HYDIN: variants seen among roughly 807,000 people sequenced by gnomAD.
The protein encoded by HYDIN is axonemal central pair apparatus protein HYDIN.
HYDIN carries 132 observed loss-of-function variants against 403.9 expected under a neutral mutation model. The observed-to-expected ratio is 0.33, with a 90% CI of 0.28 to 0.38. The LOEUF is 0.38. Ranked by LOEUF, HYDIN falls within the 10% of genes least tolerant of loss-of-function variation. The pLI is 1.00. For synonymous variants in HYDIN, 1,202 were observed against 1,891.7 expected, an observed-to-expected ratio of 0.64 and a Z score of 9.46; for missense variants, 2,827 against 5,009.5, an observed-to-expected ratio of 0.56 and a Z score of 13.15.
intron 7 of HYDIN, among the ~76,000 whole-genome samples, chr16:71,145,177 T>C (rs1597879594): frequency 6.6e-6 from 1 of 151,584 alleles, no homozygotes; most frequent in Middle Eastern, 3.4e-3. Context: ...TCTGCAATCT[T>C]CAGAATATGA....
rs374042573 is a variant in HYDIN, at chr16:71,206,654, C to A, written c.-23-19736G>T. ...TCAAGATTCAGGAGAATGTTGAAAC[C>A]CAATCCAAGGAAGCTAAGAATCATA... On this transcript the variant is annotated intron_variant, in intron 1 of 85. Transcript: ENST00000393567. Among the ~76,000 whole-genome samples the A allele has an allele frequency of 1.6e-4, 25 of 152,200 alleles. No individual in the cohort carries two copies. The South Asian group carries it at 4.2e-3, about 25-fold the overall frequency.
rs374165539 is a variant in HYDIN, at chr16:71,064,133, T to C, written c.2211+572A>G. On this transcript the variant is annotated intron_variant, in intron 16 of 85. Transcript: ENST00000393567. ...GTAAACTGCATCTCAGTAGTAACCT[T>C]CCATTACTCTAATCTGTACAGATTT... is the stretch of plus-strand genomic sequence containing the variant. 1.3e-3 allele frequency among the ~76,000 whole-genome samples: 170 copies of C among 132,790 alleles called. 1 individual carries two copies. The highest frequency in any genetic ancestry group is 4.2e-3 in the African/African-American group (158 of 37,624). 87.1% of individuals were successfully genotyped at this position (132,790 alleles called of 152,430 possible).
At position 70,816,240 on chromosome 16, in the gene HYDIN, C is replaced by A. The variant is rs1399737842; in HGVS notation, c.14658+2102G>T. ...ACAAGTCTAAACACATTCTAGAGAA[C>A]TGAAATAATATAGAATATGTTCTCA... On this transcript the variant is annotated intron_variant, in intron 84 of 85. Coordinates refer to ENST00000393567, the MANE Select transcript of HYDIN (RefSeq NM_001270974.2). 4.6e-5 allele frequency among the ~76,000 whole-genome samples: 7 copies of A among 152,124 alleles called. No homozygotes were observed. The East Asian group carries it at 1.4e-3, about 29-fold the overall frequency.
chr16:71,207,608 G>C (rs906256553), intron 1 of HYDIN, among the ~76,000 whole-genome samples: 2 of 152,144 alleles, frequency 1.3e-5, no homozygotes, highest in Non-Finnish European at 2.9e-5. Context: ...TGATGCCCCA[G>C]TTAAAAGGCA....
At chr16:71,098,214 T>TC (rs1390442839) in intron 10 of HYDIN, among the ~76,000 whole-genome samples, 1 of 148,156 alleles carries the variant, frequency 6.7e-6, no homozygotes, top group African/African-American at 2.5e-5. Flanking sequence ...TTTTTTTTTT[T>TC]TTTTTGAGAT....
At chr16:71,050,104 T>A (rs375589715) in intron 18 of HYDIN, among the ~76,000 whole-genome samples, 10 of 146,368 alleles carry the variant, frequency 6.8e-5, no homozygotes, top group African/African-American at 2.5e-4. Context: ...AGAAGAAACA[T>A]TTGAAGAGAT....
intron 45 of HYDIN, among the ~76,000 whole-genome samples, chr16:70,931,675 T>C (rs950069054): frequency 3.3e-5 from 5 of 152,142 alleles, no homozygotes; most frequent in African/African-American, 1.2e-4. Flanking sequence ...GGATAAACAG[T>C]TAAAGAGCAG....
intron 62 of HYDIN, among the ~76,000 whole-genome samples, chr16:70,875,560 A>C (rs2040394820): frequency 6.6e-6 from 1 of 152,232 alleles, no homozygotes; most frequent in South Asian, 2.1e-4. Context: ...ATAATACAAA[A>C]TATGAGGCAT....
intron 55 of HYDIN, among the ~76,000 whole-genome samples, chr16:70,893,072 G>T (rs931503791): frequency 3.3e-5 from 5 of 152,190 alleles, no homozygotes; most frequent in African/African-American, 1.2e-4. Flanking sequence ...CTAGGCAGAG[G>T]TGGGATGCCC....
chr16:70,809,667 C>T (rs1597006751), intron 85 of HYDIN, 116 bp downstream of exon 85: 4 of 836,958 alleles, frequency 4.8e-6, no homozygotes, highest in South Asian at 3.2e-5. Context: ...ACCATGACAA[C>T]GAAGCACCTG....
chr16:70,833,055 G>A lies in HYDIN; in HGVS notation c.13692C>T (p.Asp4564=). 2 of 1,612,712 alleles carry A rather than the reference G, an allele frequency of 1.2e-6. No homozygotes were observed. Among genetic ancestry groups the A allele is most frequent in the Non-Finnish European group, 1.7e-6 (2 of 1,179,440 alleles). Residue 4564 remains aspartate, a synonymous_variant, in exon 80 of 86, where the codon GAC becomes GAT. Coordinates refer to ENST00000393567, the MANE Select transcript of HYDIN (RefSeq NM_001270974.2). ...AGAAATGAGGCTCAAATTTTTTGATGTCCCATTTAAACCTTTTCCAAGAAA... is the reference window on the plus strand; with the variant it reads ...AGAAATGAGGCTCAAATTTTTTGATATCCCATTTAAACCTTTTCCAAGAAA... ...TGDVGARFKW[D]IKKFEPHFSI... is the part of the protein sequence containing the mutation.
At chr16:70,891,099 C>A (rs1231857206) in intron 57 of HYDIN, among the ~76,000 whole-genome samples, 1 of 152,112 alleles carries the variant, frequency 6.6e-6, no homozygotes, top group Non-Finnish European at 1.5e-5. Flanking sequence ...ATATATTCTA[C>A]AGGAAATCTA....
chr16:70,803,118 C>G lies in HYDIN; in HGVS notation c.*4462G>C, dbSNP rs1050838442. 6.6e-6 allele frequency among the ~76,000 whole-genome samples: 1 copy of G among 152,060 alleles called. No individual in the cohort carries two copies. Among genetic ancestry groups the G allele is most frequent in the South Asian group, 2.1e-4 (1 of 4,818 alleles). On this transcript the variant is annotated 3_prime_UTR_variant, in exon 86 of 86. Transcript: ENST00000393567. ...TTTCTTAGAGGTGAACTGAATTTCC[C>G]AAGGGTAATGATACAGTTTTTAATA...
chr16:70,803,128 G>C lies in HYDIN; in HGVS notation c.*4452C>G, dbSNP rs2034963702. On this transcript the variant is annotated 3_prime_UTR_variant, in exon 86 of 86. Coordinates refer to ENST00000393567, the MANE Select transcript of HYDIN (RefSeq NM_001270974.2). Reference sequence around the variant, plus strand: ...GTGAACTGAATTTCCCAAGGGTAATGATACAGTTTTTAATAATTCAAACAA... The same window carrying C: ...GTGAACTGAATTTCCCAAGGGTAATCATACAGTTTTTAATAATTCAAACAA... Among the ~76,000 whole-genome samples the C allele has an allele frequency of 6.6e-6, 1 of 152,124 alleles. No homozygotes were observed. Among genetic ancestry groups the C allele is most frequent in the South Asian group, 2.1e-4 (1 of 4,824 alleles).
chr16:70,949,972 C>T (rs1188186396), intron 41 of HYDIN, among the ~76,000 whole-genome samples: 2 of 151,970 alleles, frequency 1.3e-5, no homozygotes, highest in African/African-American at 2.4e-5. Flanking sequence ...CATCCATAAA[C>T]GTTTGGGTAA....
chr16:71,225,636 G>C (rs1386255904), intron 1 of HYDIN, among the ~76,000 whole-genome samples: 1 of 152,144 alleles, frequency 6.6e-6, no homozygotes, highest in African/African-American at 2.4e-5. Context: ...GAAACACAGA[G>C]TGAAATCTGC....
At chr16:71,033,497 G>A (rs2080984579) in intron 18 of HYDIN, among the ~76,000 whole-genome samples, 1 of 152,082 alleles carries the variant, frequency 6.6e-6, no homozygotes, top group Non-Finnish European at 1.5e-5. Context: ...GACGGAACTG[G>A]AAGCCATTAT....
chr16:71,037,176 G>C (rs1175229735), intron 18 of HYDIN, among the ~76,000 whole-genome samples: 2 of 149,208 alleles, frequency 1.3e-5, no homozygotes, highest in Admixed American at 6.7e-5. Flanking sequence ...CTTCCATATA[G>C]AGCTGTGGGG....
At chr16:70,949,977 G>C (rs2078013842) in intron 41 of HYDIN, among the ~76,000 whole-genome samples, 2 of 151,956 alleles carry the variant, frequency 1.3e-5, no homozygotes, top group South Asian at 4.2e-4. Flanking sequence ...ATAAACGTTT[G>C]GGTAAAGAAC....
Sources: allele counts gnomAD v4.1 joint callset (sites outside exome capture counted in the v4.1 genomes callset), GRCh38; gene constraint gnomAD v4.1.1; transcripts MANE v1.5; gene names NCBI Gene and HGNC (gene_info 2026-07-23, HGNC 2026-07-21).